The following TXNRD1 variants were observed in gnomAD, a reference collection of about 807,000 sequenced individuals.
TXNRD1 encodes thioredoxin reductase 1, cytoplasmic.
Under a neutral mutation model 80.3 loss-of-function variants are expected in TXNRD1, and 57 were observed. That is an observed-to-expected ratio of 0.71 (90% confidence interval 0.57 to 0.89). TXNRD1 has a LOEUF of 0.89. Ranked by LOEUF, TXNRD1 falls within the 40% of genes least tolerant of loss-of-function variation. TXNRD1 has a pLI of 0.00. For synonymous variants in TXNRD1, 291 were observed against 285.2 expected, an observed-to-expected ratio of 1.02 and a Z score of -0.20; for missense variants, 730 against 803.0, an observed-to-expected ratio of 0.91 and a Z score of 1.10.
At chr12:104,327,447 CG>C (rs1845179715) in intron 12 of TXNRD1, 67 bp from the exon 13 acceptor site, 1 of 1,485,678 alleles carries the variant, frequency 6.7e-7, no homozygotes, top group Non-Finnish European at 9.1e-7. Context: ...CCTGAAAAAA[CG>C]GAAGATTTTG....
At position 104,321,079 on chromosome 12, in the gene TXNRD1, T is replaced by A; in HGVS notation, c.990-12T>A. 1 of 1,549,394 alleles carries A rather than the reference T, an allele frequency of 6.5e-7. No homozygotes were observed. The highest frequency in any genetic ancestry group is 8.7e-7 in the Non-Finnish European group (1 of 1,144,304). On this transcript the variant is annotated splice_polypyrimidine_tract_variant and intron_variant, in intron 9 of 16. Coordinates refer to ENST00000525566, the MANE Select transcript of TXNRD1 (RefSeq NM_001093771.3). ...TTTTCTTCTTTCTTCCTTTTTTTTT[T>A]TTTTCCCCCAGTGATGATCTTTTCT...
chr12:104,344,223 G>GCTC (rs1565917838), intron 16 of TXNRD1, among the ~76,000 whole-genome samples: 9 of 152,278 alleles, frequency 5.9e-5, no homozygotes, highest in African/African-American at 2.2e-4. Flanking sequence ...CCTGTTAGCT[G>GCTC]TTTTTTCCCC....
chr12:104,258,555 G>A lies in TXNRD1; in HGVS notation c.304+476G>A, dbSNP rs150174792. On this transcript the variant is annotated intron_variant, in intron 3 of 16. Coordinates refer to ENST00000525566, the MANE Select transcript of TXNRD1 (RefSeq NM_001093771.3). ...AGAGAAAGATTGGTGGAGTAAAATG[G>A]AAAGCTTCTTTCTAGGACCATGGTG... Among the ~76,000 whole-genome samples the A allele has an allele frequency of 1.0e-3, 154 of 152,292 alleles. 1 individual carries two copies. Among genetic ancestry groups the A allele is most frequent in the African/African-American group, 3.5e-3 (146 of 41,566 alleles).
At chr12:104,240,755 T>G (rs1197901304) in intron 1 of TXNRD1, among the ~76,000 whole-genome samples, 1 of 151,728 alleles carries the variant, frequency 6.6e-6, no homozygotes, top group Non-Finnish European at 1.5e-5. Flanking sequence ...GTGGAATTTT[T>G]TTTTTTTTTT....
chr12:104,285,360 G>A (rs562343096), intron 3 of TXNRD1, among the ~76,000 whole-genome samples: 4 of 152,266 alleles, frequency 2.6e-5, no homozygotes, highest in African/African-American at 9.6e-5. Flanking sequence ...AAGAAAAGAA[G>A]ATGGTTTTAA....
intron 10 of TXNRD1, among the ~76,000 whole-genome samples, chr12:104,322,062 T>C (rs2035549873): frequency 6.6e-6 from 1 of 151,950 alleles, no homozygotes; most frequent in Admixed American, 6.6e-5. Flanking sequence ...GATCTCCTAA[T>C]GCTGATAGAT....
At chr12:104,297,491 G>A (rs1217424537) in intron 4 of TXNRD1, among the ~76,000 whole-genome samples, 4 of 151,826 alleles carry the variant, frequency 2.6e-5, no homozygotes, top group Admixed American at 1.3e-4. Flanking sequence ...TCAGTCTCCC[G>A]AGTAGCTGGG....
chr12:104,280,062 CAA>C (rs34627940), intron 3 of TXNRD1, among the ~76,000 whole-genome samples: 9 of 84,612 alleles, frequency 1.1e-4, no homozygotes, highest in Admixed American at 1.4e-4. Flanking sequence ...GACTCTGTCT[CAA>C]AAAAAAAAAA....
At chr12:104,335,071 T>C (rs1371451985) in intron 15 of TXNRD1, among the ~76,000 whole-genome samples, 1 of 152,218 alleles carries the variant, frequency 6.6e-6, no homozygotes, top group Non-Finnish European at 1.5e-5. Context: ...GCTAGTCTGG[T>C]GTTATTACGT....
intron 1 of TXNRD1, among the ~76,000 whole-genome samples, chr12:104,237,752 T>C (rs1010655753): frequency 4.6e-5 from 7 of 152,204 alleles, no homozygotes; most frequent in Non-Finnish European, 7.4e-5. Context: ...TGGTGGCTCA[T>C]GCCTGTAATC....
chr12:104,304,177 C>A, intron 4 of TXNRD1: 1 of 1,614,034 alleles, frequency 6.2e-7, no homozygotes, highest in Non-Finnish European at 8.5e-7. Flanking sequence ...ATGGCGTGAG[C>A]CGAACCAGAG....
rs539405806 is a variant in TXNRD1, at chr12:104,344,337, T to C, written c.1882-4016T>C. Among the ~76,000 whole-genome samples, 165 of 151,988 alleles carry C rather than the reference T, an allele frequency of 1.1e-3. 1 individual carries two copies. Among genetic ancestry groups the C allele is most frequent in the African/African-American group, 3.8e-3 (159 of 41,450 alleles). On this transcript the variant is annotated intron_variant, in intron 16 of 16. Coordinates refer to ENST00000525566, the MANE Select transcript of TXNRD1 (RefSeq NM_001093771.3). Reference sequence around the variant, plus strand: ...AATGGGGGTTGGAGAGAGATACATATTGTGAAAAAGCTCCAGTGATTTTTT... The same window carrying C: ...AATGGGGGTTGGAGAGAGATACATACTGTGAAAAAGCTCCAGTGATTTTTT...
intron 4 of TXNRD1, among the ~76,000 whole-genome samples, chr12:104,297,313 A>G: frequency 6.6e-6 from 1 of 151,656 alleles, no homozygotes; most frequent in Admixed American, 6.6e-5. Context: ...CTCAAAAAAA[A>G]AAAAAAAAAG....
chr12:104,253,985 G>A (rs920318483), intron 2 of TXNRD1, among the ~76,000 whole-genome samples: 18 of 152,164 alleles, frequency 1.2e-4, no homozygotes, highest in Non-Finnish European at 1.6e-4. Context: ...GAGCCACTGC[G>A]CCCAGCCTGA....
intron 3 of TXNRD1, among the ~76,000 whole-genome samples, chr12:104,271,183 C>CTTTT (rs1165430972): frequency 1.6e-4 from 20 of 127,306 alleles, no homozygotes; most frequent in South Asian, 2.5e-4. Flanking sequence ...TTAGTTCTTT[C>CTTTT]TTTTTTTTTT....
intron 3 of TXNRD1, 163 bp from the exon 4 acceptor site, chr12:104,288,768 C>T: frequency 6.6e-7 from 1 of 1,521,770 alleles, no homozygotes; most frequent in East Asian, 2.5e-5. Context: ...TGAGTTCTAG[C>T]CTTTGTCAGA....
intron 1 of TXNRD1, among the ~76,000 whole-genome samples, chr12:104,225,340 A>C (rs1427419978): frequency 2.6e-5 from 4 of 152,232 alleles, no homozygotes. Context: ...GAGGATTCTC[A>C]TGCTGGAAGC....
intron 3 of TXNRD1, among the ~76,000 whole-genome samples, chr12:104,266,323 C>T (rs748408276): frequency 6.6e-6 from 1 of 151,906 alleles, no homozygotes; most frequent in South Asian, 2.1e-4. Flanking sequence ...GTGGGGAGAT[C>T]GAGACCATCC....
At chr12:104,217,285 TA>T (rs200665371) in intron 1 of TXNRD1, among the ~76,000 whole-genome samples, 7,259 of 145,738 alleles carry the variant, frequency 0.05, 226 homozygotes, top group East Asian at 0.18. Flanking sequence ...TGTGTGTGGT[TA>T]AAAAAAAAAA....
Sources: allele counts gnomAD v4.1 joint callset (sites outside exome capture counted in the v4.1 genomes callset), GRCh38; gene constraint gnomAD v4.1.1; transcripts MANE v1.5; gene names NCBI Gene and HGNC (gene_info 2026-07-23, HGNC 2026-07-21).